The following BBS9 variants were observed in gnomAD, a reference collection of about 807,000 sequenced individuals.
BBS9 encodes the protein Bardet-Biedl syndrome 9.
Under a neutral mutation model 117.7 loss-of-function variants are expected in BBS9, and 89 were observed. That is an observed-to-expected ratio of 0.76 (90% CI 0.64 to 0.90). The LOEUF (loss-of-function observed/expected upper bound fraction) is 0.90. Among genes scored for constraint, BBS9 ranks in the 40% least tolerant of loss-of-function variants. The probability of loss-of-function intolerance (pLI) is 0.00; values close to 1 mark genes in which losing one functional copy is unlikely to be tolerated. For missense variants in BBS9, 982 were observed against 1,042.2 expected (o/e 0.94, Z 0.80); for synonymous variants, 379 against 370.9 (o/e 1.02, Z -0.25).
intron 21 of BBS9, among the ~76,000 whole-genome samples, chr7:33,600,807 C>T (rs1244086061): frequency 2.0e-5 from 3 of 152,170 alleles, no homozygotes; most frequent in Non-Finnish European, 4.4e-5. Context: ...GCCTCCATCT[C>T]TGGATGATGT....
chr7:33,476,875 T>A (rs2128965453), intron 19 of BBS9, among the ~76,000 whole-genome samples: 1 of 152,342 alleles, frequency 6.6e-6, no homozygotes, highest in East Asian at 1.9e-4. Flanking sequence ...AGTAGTAATT[T>A]ATATTGTAAT....
intron 19 of BBS9, among the ~76,000 whole-genome samples, chr7:33,393,734 G>T (rs190441438): frequency 1.6e-4 from 24 of 152,246 alleles, no homozygotes; most frequent in Non-Finnish European, 2.5e-4. Context: ...TGGTTAATCG[G>T]CAATGAGGCA....
intron 19 of BBS9, among the ~76,000 whole-genome samples, chr7:33,444,017 A>C (rs764532973): frequency 6.6e-6 from 1 of 152,164 alleles, no homozygotes; most frequent in Non-Finnish European, 1.5e-5. Flanking sequence ...TCAGGTTTGA[A>C]GGATAATTGC....
intron 5 of BBS9, among the ~76,000 whole-genome samples, chr7:33,198,539 A>G (rs17395966): frequency 0.048 from 7,301 of 152,054 alleles, 246 homozygotes; most frequent in East Asian, 0.16. Flanking sequence ...GGAAAGAAAA[A>G]AGACTTTAGA....
At chr7:33,279,880 A>T (rs1801485016) in intron 9 of BBS9, among the ~76,000 whole-genome samples, 2 of 152,354 alleles carry the variant, frequency 1.3e-5, no homozygotes, top group South Asian at 4.1e-4. Flanking sequence ...AATAAAGATC[A>T]TCATTTATCA....
At chr7:33,290,519 C>T (rs1051933229) in intron 9 of BBS9, among the ~76,000 whole-genome samples, 19 of 152,232 alleles carry the variant, frequency 1.2e-4, no homozygotes, top group Admixed American at 5.2e-4. Flanking sequence ...CTTAGTGTAA[C>T]GACATCACTG....
chr7:33,214,389 T>G (rs897320468), intron 5 of BBS9, among the ~76,000 whole-genome samples: 1 of 152,234 alleles, frequency 6.6e-6, no homozygotes, highest in African/African-American at 2.4e-5. Flanking sequence ...TCTCCGACCC[T>G]CTTCAGTGAC....
chr7:33,405,970 T>C (rs1048235532), intron 19 of BBS9, among the ~76,000 whole-genome samples: 2 of 152,212 alleles, frequency 1.3e-5, no homozygotes, highest in African/African-American at 4.8e-5. Context: ...CTGCTTTCTC[T>C]TGTGGGCATT....
intron 5 of BBS9, among the ~76,000 whole-genome samples, chr7:33,202,283 A>C (rs767305179): frequency 2.0e-5 from 3 of 152,222 alleles, no homozygotes; most frequent in Non-Finnish European, 4.4e-5. Flanking sequence ...TTTTGGAAGA[A>C]GAGGAGATAA....
chr7:33,466,920 G>A (rs1313760784), intron 19 of BBS9, among the ~76,000 whole-genome samples: 2 of 151,902 alleles, frequency 1.3e-5, no homozygotes, highest in Non-Finnish European at 2.9e-5. Flanking sequence ...AGAGGTCAAG[G>A]GTGAGCCGGT....
chr7:33,258,363 T>C (rs1334512468), intron 6 of BBS9, among the ~76,000 whole-genome samples: 1 of 152,248 alleles, frequency 6.6e-6, no homozygotes, highest in Non-Finnish European at 1.5e-5. Context: ...ATGTTGTGTA[T>C]ATAACAAGTT....
intron 1 of BBS9, among the ~76,000 whole-genome samples, chr7:33,142,479 C>T (rs1458586222): frequency 6.6e-6 from 1 of 152,142 alleles, no homozygotes; most frequent in Admixed American, 6.5e-5. Context: ...AATTGAACAT[C>T]TAACCATTTT....
Position 33,383,738 on chromosome 7 carries a change from A to G in BBS9, c.1862A>G (p.Gln621Arg), listed in dbSNP as rs755842426. Residue 621 changes from glutamine (Q) to arginine (R), a missense_variant, in exon 18 of 23, where the codon CAA (glutamine) becomes CGA (arginine). Transcript: ENST00000242067. The part of the protein sequence containing the change: ...LITNELILRL[Q>R]EYFEKQGVKD... The stretch of plus-strand genomic sequence containing the variant: ...ACCAATGAGCTTATTCTTCGCCTTC[A>G]AGAATATTTTGAAAAACAGGGAGTC... 1.2e-6 allele frequency: 2 copies of G among 1,612,686 alleles called. No homozygotes were observed. Among genetic ancestry groups the G allele is most frequent in the Admixed American group, 1.7e-5 (1 of 59,936 alleles).
chr7:33,433,160 C>T (rs535859221), intron 19 of BBS9, among the ~76,000 whole-genome samples: 3 of 152,276 alleles, frequency 2.0e-5, no homozygotes, highest in East Asian at 3.9e-4. Flanking sequence ...TGTTCTTTAA[C>T]ATATGGCATA....
chr7:33,224,144 C>T (rs1001988127), intron 5 of BBS9, among the ~76,000 whole-genome samples: 1 of 152,096 alleles, frequency 6.6e-6, no homozygotes, highest in Non-Finnish European at 1.5e-5. Flanking sequence ...CTAATAACTA[C>T]ATTCATTGGA....
At chr7:33,231,942 G>A (rs573393568) in intron 5 of BBS9, among the ~76,000 whole-genome samples, 4 of 152,098 alleles carry the variant, frequency 2.6e-5, no homozygotes, top group African/African-American at 9.6e-5. Flanking sequence ...GTACCCCTCT[G>A]CTCCCCCATC....
chr7:33,568,779 C>G (rs146559501), intron 21 of BBS9, among the ~76,000 whole-genome samples: 2 of 151,980 alleles, frequency 1.3e-5, no homozygotes, highest in Non-Finnish European at 2.9e-5. Context: ...TGCTTCCCTT[C>G]GGGTAAGAAG....
At chr7:33,438,647 T>C (rs1835667318) in intron 19 of BBS9, among the ~76,000 whole-genome samples, 1 of 152,230 alleles carries the variant, frequency 6.6e-6, no homozygotes, top group African/African-American at 2.4e-5. Flanking sequence ...TCTGATAGGA[T>C]GAAGTGTTGG....
chr7:33,307,876 G>A (rs75100297), intron 9 of BBS9, among the ~76,000 whole-genome samples: 2,860 of 151,698 alleles, frequency 0.019, 102 homozygotes, highest in African/African-American at 0.066. Flanking sequence ...TTAATTCCTC[G>A]GCTGTAGGAC....
Sources: gnomAD v4.1 joint callset for allele counts (sites outside exome capture counted in the v4.1 genomes callset) on GRCh38, gnomAD v4.1.1 for gene constraint, MANE v1.5 for transcripts, NCBI Gene and HGNC (gene_info 2026-07-23, HGNC 2026-07-21) for gene names.